The following ADGRL2 variants were observed in gnomAD, a reference collection of about 807,000 sequenced individuals.
The protein encoded by ADGRL2 is adhesion G protein-coupled receptor L2.
In ADGRL2, 44 loss-of-function variants were observed where a neutral mutation model predicts 157.4. That is an observed-to-expected ratio of 0.28 (90% confidence interval 0.22 to 0.36). The LOEUF (loss-of-function observed/expected upper bound fraction) is 0.36, where lower values mean the gene tolerates loss of function less well. Among genes scored for constraint, ADGRL2 ranks in the 10% least tolerant of loss-of-function variants. The pLI is 1.00. For missense variants in ADGRL2, 1,510 were observed against 1,768.9 expected (o/e 0.85, Z 2.63); for synonymous variants, 585 against 624.7 (o/e 0.94, Z 0.95).
chr1:81,704,153 C>T (rs1181948555), intron 1 of ADGRL2, among the ~76,000 whole-genome samples: 2 of 152,202 alleles, frequency 1.3e-5, no homozygotes, highest in Middle Eastern at 3.2e-3. Context: ...TTGGCTCATA[C>T]CACCTGGGTG....
chr1:81,309,555 G>A (rs1412780949), intron 1 of ADGRL2, among the ~76,000 whole-genome samples: 2 of 152,046 alleles, frequency 1.3e-5, no homozygotes, highest in Admixed American at 6.6e-5. Flanking sequence ...AAAGTGCTCC[G>A]ATTTACCCAT....
At position 81,553,398 on chromosome 1, in the gene ADGRL2, C is replaced by G. The variant is rs568723869; in HGVS notation, c.-247-27478C>G. Among the ~76,000 whole-genome samples, 4 of 152,224 alleles carry G rather than the reference C, an allele frequency of 2.6e-5. No individual in the cohort carries two copies. In the East Asian group the frequency reaches 7.7e-4, roughly 29 times the overall value. ...TATTTGCAGCTATGCAAAAATTTTT[C>G]ACATCTTTAATGCTCTTCAGAAGAG... On this transcript the variant is annotated intron_variant, in intron 2 of 24. Coordinates refer to the ADGRL2 transcript ENST00000370721.
chr1:81,538,529 G>A (rs2079801532), intron 2 of ADGRL2, among the ~76,000 whole-genome samples: 1 of 152,166 alleles, frequency 6.6e-6, no homozygotes, highest in Non-Finnish European at 1.5e-5. Flanking sequence ...TAGTTGTTCA[G>A]GCACAACCAC....
intron 1 of ADGRL2, among the ~76,000 whole-genome samples, chr1:81,368,616 C>G (rs568668016): frequency 6.6e-6 from 1 of 152,264 alleles, no homozygotes; most frequent in African/African-American, 2.4e-5. Context: ...AGCCAAAACT[C>G]CCCAAATGGC....
At position 81,676,780 on chromosome 1, in the gene ADGRL2, A is replaced by G. The variant is rs372797060; in HGVS notation, c.-142-85031A>G. On this transcript the variant is annotated intron_variant, in intron 3 of 24. Transcript: ENST00000370721. ...CAGCTCACTGCAAACTCCACCTCCC[A>G]GGTTCACGTCATTCTCCTGCCTCAG... Among the ~76,000 whole-genome samples the G allele has an allele frequency of 6.7e-4, 101 of 150,582 alleles. 1 individual carries two copies. In the Middle Eastern group the frequency reaches 0.028, roughly 42 times the overall value.
intron 2 of ADGRL2, among the ~76,000 whole-genome samples, chr1:81,849,883 G>A (rs967272446): frequency 2.6e-5 from 4 of 151,828 alleles, no homozygotes; most frequent in Admixed American, 6.6e-5. Flanking sequence ...TACAAATAAC[G>A]TGAATGACTA....
intron 1 of ADGRL2, among the ~76,000 whole-genome samples, chr1:81,325,311 A>G (rs1660820546): frequency 6.6e-6 from 1 of 152,178 alleles, no homozygotes; most frequent in Non-Finnish European, 1.5e-5. Flanking sequence ...TGGCAGAGTC[A>G]GAAGTCTACC....
chr1:81,678,523 T>A (rs1409268727), intron 3 of ADGRL2, among the ~76,000 whole-genome samples: 2 of 152,332 alleles, frequency 1.3e-5, no homozygotes, highest in East Asian at 3.9e-4. Context: ...TTACTCTACT[T>A]GTTTAGACAT....
chr1:81,856,474 T>C (rs191253682), intron 2 of ADGRL2, among the ~76,000 whole-genome samples: 2 of 152,304 alleles, frequency 1.3e-5, no homozygotes, highest in East Asian at 3.9e-4. Flanking sequence ...CATGTCTTTT[T>C]CGATCAGCTG....
At chr1:81,760,509 C>T (rs963616756) in intron 1 of ADGRL2, among the ~76,000 whole-genome samples, 2 of 151,994 alleles carry the variant, frequency 1.3e-5, no homozygotes, top group African/African-American at 2.4e-5. Context: ...TGAATGTTCT[C>T]TTTTAATAAT....
chr1:81,634,678 C>A (rs2082081752), intron 3 of ADGRL2, among the ~76,000 whole-genome samples: 1 of 151,970 alleles, frequency 6.6e-6, no homozygotes, highest in African/African-American at 2.4e-5. Context: ...CACACGCCAT[C>A]ACGTTTGGCT....
intron 1 of ADGRL2, among the ~76,000 whole-genome samples, chr1:81,324,509 A>C (rs912517332): frequency 7.0e-6 from 1 of 142,486 alleles, no homozygotes; most frequent in African/African-American, 2.6e-5. Flanking sequence ...ACCCTGTCTC[A>C]AAAAAAAAAA....
chr1:81,972,742 C>T (rs917209436), intron 17 of ADGRL2, among the ~76,000 whole-genome samples: 8 of 151,452 alleles, frequency 5.3e-5, no homozygotes, highest in African/African-American at 1.9e-4. Context: ...AAGACCTCCC[C>T]TCTACAATAA....
At chr1:81,549,376 A>T (rs1188287166) in intron 2 of ADGRL2, among the ~76,000 whole-genome samples, 1 of 152,198 alleles carries the variant, frequency 6.6e-6, no homozygotes, top group Non-Finnish European at 1.5e-5. Context: ...CTGCAACCAC[A>T]AAATAGTTTT....
At chr1:81,771,440 A>C (rs548941481) in intron 2 of ADGRL2, among the ~76,000 whole-genome samples, 2 of 152,320 alleles carry the variant, frequency 1.3e-5, no homozygotes, top group Admixed American at 6.5e-5. Context: ...TAGTGCTGGC[A>C]TGCAAAATAG....
At chr1:81,721,969 C>T in intron 1 of ADGRL2, 2 of 596,922 alleles carry the variant, frequency 3.4e-6, no homozygotes, top group Non-Finnish European at 6.3e-6. Flanking sequence ...GAACCAGACA[C>T]TGATGCCCTT....
Position 81,943,016 on chromosome 1 carries a change from A to G in ADGRL2, c.457A>G (p.Ile153Val), listed in dbSNP as rs775041759. The change falls in exon 6 of 24, where the codon ATA becomes GTA. Residue 153 changes from isoleucine to valine, a missense_variant. This residue lies in a region of ADGRL2 where 361 missense variants were observed against 498.4 expected (regional missense o/e 0.72). Coordinates refer to ENST00000686636, the MANE Select transcript of ADGRL2 (RefSeq NM_001366006.2). The surrounding 1 kb of genome is among the most constrained non-coding windows in gnomAD (Gnocchi z 5.6). ...GAAAGCAATTGTGGACTCACCATGTATATATGAAGCTGAACAAAAGGCGGG... is the reference window on the plus strand; with the variant it reads ...GAAAGCAATTGTGGACTCACCATGTGTATATGAAGCTGAACAAAAGGCGGG... ...TLKAIVDSPC[I>V]YEAEQKAGAW... is the part of the protein sequence containing the mutation. The G allele has an allele frequency of 4.3e-6, 7 of 1,613,112 alleles. No individual in the cohort carries two copies. In the African/African-American group the frequency reaches 6.7e-5, roughly 15 times the overall value.
chr1:81,628,981 T>C (rs767680842), intron 3 of ADGRL2, among the ~76,000 whole-genome samples: 3 of 152,220 alleles, frequency 2.0e-5, no homozygotes, highest in Non-Finnish European at 4.4e-5. Flanking sequence ...ACAGATTGTA[T>C]ATTATTCCTA....
chr1:81,652,927 C>T (rs554404577), intron 3 of ADGRL2, among the ~76,000 whole-genome samples: 26 of 152,202 alleles, frequency 1.7e-4, no homozygotes, highest in African/African-American at 6.3e-4. Flanking sequence ...AGCTCTTTCT[C>T]ATTTTTTTAT....
Sources: allele counts gnomAD v4.1 joint callset (sites outside exome capture counted in the v4.1 genomes callset), GRCh38; gene constraint gnomAD v4.1.1; regional missense constraint gnomAD v4.1.1; non-coding constraint Gnocchi (gnomAD v3.1); transcripts MANE v1.5; gene names NCBI Gene and HGNC (gene_info 2026-07-23, HGNC 2026-07-21).